Variants in TTC28 observed in about 807,000 individuals in gnomAD.
The protein encoded by TTC28 is tetratricopeptide repeat domain 28.
In TTC28, 61 loss-of-function variants were observed where a neutral mutation model predicts 198.0. The observed-to-expected ratio is 0.31, with a 90% confidence interval of 0.25 to 0.38. The LOEUF is 0.38. Among genes scored for constraint, TTC28 ranks in the 10% least tolerant of loss-of-function variants. The probability of loss-of-function intolerance (pLI) is 1.00; values close to 1 mark genes in which losing one functional copy is unlikely to be tolerated. For synonymous variants in TTC28, 1,171 were observed against 1,297.8 expected, an observed-to-expected ratio of 0.90 and a Z score of 2.10; for missense variants, 2,678 against 3,164.0, an observed-to-expected ratio of 0.85 and a Z score of 3.69.
chr22:27,981,929 C>CAAAG lies in TTC28; in HGVS notation c.*288_*291dup, dbSNP rs1347521440. On this transcript the variant is annotated 3_prime_UTR_variant, in exon 23 of 23. Coordinates refer to ENST00000397906, the MANE Select transcript of TTC28 (RefSeq NM_001145418.2). The stretch of plus-strand genomic sequence containing the variant: ...ACAAAATCCTGGTGAAGAATCATAT[C>CAAAG]AAAGATGAGAAGCAGGGAGTTCAAA... 16 of 336,156 alleles carry CAAAG rather than the reference C, an allele frequency of 4.8e-5. No individual in the cohort carries two copies. In the Admixed American group the frequency reaches 7.0e-4, roughly 15 times the overall value. 20.8% of individuals were successfully genotyped at this position (336,156 alleles called of 1,614,324 possible). A position where few individuals can be genotyped will look rare whatever the true frequency, so the allele number is the denominator to read the frequency against.
intron 6 of TTC28, among the ~76,000 whole-genome samples, chr22:28,135,328 A>T (rs977841786): frequency 6.6e-6 from 1 of 152,228 alleles, no homozygotes; most frequent in Non-Finnish European, 1.5e-5. Context: ...TTTATATTAT[A>T]ATAGGATTAT....
intron 2 of TTC28, among the ~76,000 whole-genome samples, chr22:28,351,108 G>A (rs1287358186): frequency 1.3e-5 from 2 of 152,074 alleles, no homozygotes; most frequent in Non-Finnish European, 1.5e-5. Context: ...GCATGAACCC[G>A]GGAGCGGAGC....
In TTC28 at chr22:28,493,372, T is replaced by A. The variant is rs555104455; in HGVS notation, c.381+136180A>T. Among the ~76,000 whole-genome samples the A allele has an allele frequency of 5.5e-3, 830 of 152,164 alleles. 5 individuals are homozygous for A. The highest frequency in any genetic ancestry group is 0.019 in the African/African-American group (797 of 41,524). On this transcript the variant is annotated intron_variant, in intron 2 of 22. Transcript: ENST00000397906. ...CTGAGTCTCAAAAAAAAAATTTTTT[T>A]AATTAAATTTTAAAAATCACTGCTC...
Position 28,014,437 on chromosome 22 carries a change from G to A in TTC28, c.4074-45C>T, listed in dbSNP as rs142326253. On this transcript the variant is annotated intron_variant, in intron 13 of 22. Coordinates refer to ENST00000397906, the MANE Select transcript of TTC28 (RefSeq NM_001145418.2). ...GGGATCAATCAGGGCCACTCAGACAGGCAAAGACTCACCCTGGCCCTCCAA... is the reference window on the plus strand; with the variant it reads ...GGGATCAATCAGGGCCACTCAGACAAGCAAAGACTCACCCTGGCCCTCCAA... 110 of 1,510,958 alleles carry A rather than the reference G, an allele frequency of 7.3e-5. No individual in the cohort carries two copies. In the African/African-American group the frequency reaches 1.4e-3, roughly 20 times the overall value. 93.6% of individuals were successfully genotyped at this position (1,510,958 alleles called of 1,614,324 possible). A position where few individuals can be genotyped will look rare whatever the true frequency, so the allele number is the denominator to read the frequency against.
At chr22:28,363,124 A>G (rs1324204042) in intron 2 of TTC28, among the ~76,000 whole-genome samples, 1 of 152,184 alleles carries the variant, frequency 6.6e-6, no homozygotes, top group Non-Finnish European at 1.5e-5. Flanking sequence ...TCTTCATGGC[A>G]GCCCCTCCCA....
At chr22:28,384,234 T>C (rs2046539647) in intron 2 of TTC28, among the ~76,000 whole-genome samples, 1 of 152,146 alleles carries the variant, frequency 6.6e-6, no homozygotes, top group Non-Finnish European at 1.5e-5. Flanking sequence ...TTTTAAACAT[T>C]TGTTTTTTTG....
chr22:28,224,083 G>A (rs1239420311), intron 5 of TTC28, among the ~76,000 whole-genome samples: 3 of 152,158 alleles, frequency 2.0e-5, no homozygotes, highest in African/African-American at 4.8e-5. Context: ...AGTTGCTACT[G>A]GCAACTAGTG....
chr22:28,437,064 A>G (rs895936473), intron 2 of TTC28, among the ~76,000 whole-genome samples: 2 of 152,104 alleles, frequency 1.3e-5, no homozygotes, highest in Non-Finnish European at 2.9e-5. Flanking sequence ...AGATCAGTAA[A>G]GCTTATTTTA....
intron 2 of TTC28, among the ~76,000 whole-genome samples, chr22:28,624,030 TAATA>T (rs1318051053): frequency 1.3e-5 from 2 of 151,466 alleles, no homozygotes; most frequent in Non-Finnish European, 2.9e-5. Flanking sequence ...AAAAAGGAAA[TAATA>T]AACAGCAGAC....
At chr22:28,263,961 T>C (rs945112377) in intron 5 of TTC28, among the ~76,000 whole-genome samples, 1 of 152,082 alleles carries the variant, frequency 6.6e-6, no homozygotes, top group Non-Finnish European at 1.5e-5. Flanking sequence ...TGTGTTTAGA[T>C]CTGCACTTTG....
At chr22:28,384,815 A>G (rs1372688826) in intron 2 of TTC28, among the ~76,000 whole-genome samples, 2 of 152,098 alleles carry the variant, frequency 1.3e-5, no homozygotes, top group Non-Finnish European at 2.9e-5. Flanking sequence ...TGTCTACTGC[A>G]TTTCCTAAGT....
At chr22:28,163,737 C>G in intron 5 of TTC28, 138 bp from the exon 6 acceptor site, 1 of 983,092 alleles carries the variant, frequency 1.0e-6, no homozygotes, top group Non-Finnish European at 1.5e-6. Flanking sequence ...GTGAGTGACG[C>G]AGAAGACGGG....
chr22:28,330,478 A>T lies in TTC28; in HGVS notation c.382-23835T>A, dbSNP rs569952577. ...GCTATTTGACAGATACCTTTTTTGC[A>T]TCAATGATGTGACTCCATACCTTTT... On this transcript the variant is annotated intron_variant, in intron 2 of 22. Coordinates refer to ENST00000397906, the MANE Select transcript of TTC28 (RefSeq NM_001145418.2). 1.4e-4 allele frequency among the ~76,000 whole-genome samples: 22 copies of T among 152,282 alleles called. 1 individual carries two copies. The South Asian group carries it at 4.3e-3, about 30-fold the overall frequency.
At chr22:28,142,730 C>A (rs983567328) in intron 6 of TTC28, among the ~76,000 whole-genome samples, 4 of 152,208 alleles carry the variant, frequency 2.6e-5, no homozygotes, top group Non-Finnish European at 5.9e-5. Flanking sequence ...TTGGACTTTT[C>A]TGACATGCCT....
rs369879021 is a variant in TTC28 at position 28,446,938 on chromosome 22, G to A, written c.382-140295C>T. Reference sequence around the variant, plus strand: ...AAAATATTAACTATGATTTTATAGAGCTGTTTTTTCTGAAAACTCTGTGCC... The same window carrying A: ...AAAATATTAACTATGATTTTATAGAACTGTTTTTTCTGAAAACTCTGTGCC... On this transcript the variant is annotated intron_variant, in intron 2 of 22. Coordinates refer to ENST00000397906, the MANE Select transcript of TTC28 (RefSeq NM_001145418.2). 7.2e-5 allele frequency among the ~76,000 whole-genome samples: 11 copies of A among 152,166 alleles called. No individual in the cohort carries two copies. The East Asian group carries it at 1.3e-3, about 19-fold the overall frequency.
chr22:27,995,724 C>T (rs746999104), intron 17 of TTC28, among the ~76,000 whole-genome samples: 2 of 152,178 alleles, frequency 1.3e-5, no homozygotes, highest in African/African-American at 2.4e-5. Flanking sequence ...CACTGAGGCT[C>T]GGAGAGCCAA....
Position 28,108,335 on chromosome 22 carries a change from C to T in TTC28, c.1510G>A (p.Ala504Thr). The T allele has an allele frequency of 6.6e-7, 1 of 1,514,584 alleles. No individual in the cohort carries two copies. The highest frequency in any genetic ancestry group is 8.9e-7 in the Non-Finnish European group (1 of 1,123,758). The allele number at this position is 1,514,584 out of a possible 1,614,324, so 93.8% of individuals were successfully genotyped here. A position where few individuals can be genotyped will look rare whatever the true frequency, so the allele number is the denominator to read the frequency against. The change falls in exon 7 of 23, where the codon GCC (alanine) becomes ACC (threonine). Residue 504 changes from alanine to threonine, a missense_variant. Physicochemically the swap from Ala to Thr is moderately conservative, Grantham distance 58. Transcript: ENST00000397906. Reference protein sequence around the residue: ...LKLHKTHLCIAQELSDYAAQG... With the variant: ...LKLHKTHLCITQELSDYAAQG... Reference sequence around the variant, plus strand: ...GCAGCATAATCACTCAGCTCCTGGGCAATGCACAGGTGGGTCTTGTGGAGT... The same window carrying T: ...GCAGCATAATCACTCAGCTCCTGGGTAATGCACAGGTGGGTCTTGTGGAGT...
chr22:28,271,491 T>C (rs1932069447), intron 5 of TTC28, among the ~76,000 whole-genome samples: 1 of 152,222 alleles, frequency 6.6e-6, no homozygotes, highest in Non-Finnish European at 1.5e-5. Flanking sequence ...AATCTCATCT[T>C]GAATTGTAGT....
At chr22:28,256,265 T>C (rs1437586439) in intron 5 of TTC28, among the ~76,000 whole-genome samples, 2 of 151,482 alleles carry the variant, frequency 1.3e-5, no homozygotes, top group Non-Finnish European at 2.9e-5. Context: ...CTACTAAAGA[T>C]ACAAAAATTA....
Sources: allele counts gnomAD v4.1 joint callset (sites outside exome capture counted in the v4.1 genomes callset), GRCh38; gene constraint gnomAD v4.1.1; transcripts MANE v1.5; gene names NCBI Gene and HGNC (gene_info 2026-07-23, HGNC 2026-07-21).